DLGAP2: variants seen among roughly 807,000 people sequenced by gnomAD.
The protein encoded by DLGAP2 is disks large-associated protein 2.
In DLGAP2, 26 loss-of-function variants were observed where a neutral mutation model predicts 100.3. That is an observed-to-expected ratio of 0.26 (90% CI 0.19 to 0.36). The LOEUF (loss-of-function observed/expected upper bound fraction) is 0.36. Among genes scored for constraint, DLGAP2 ranks in the 10% least tolerant of loss-of-function variants. DLGAP2 has a pLI of 1.00. For synonymous variants in DLGAP2, 886 were observed against 630.1 expected, an observed-to-expected ratio of 1.41 and a Z score of -6.08; for missense variants, 1,858 against 1,453.2, an observed-to-expected ratio of 1.28 and a Z score of -4.53.
At chr8:1,033,659 C>T (rs185341883) in intron 2 of DLGAP2, among the ~76,000 whole-genome samples, 53 of 152,242 alleles carry the variant, frequency 3.5e-4, no homozygotes, top group African/African-American at 1.2e-3. Context: ...AGAGGGAGAC[C>T]GTGTTACCCC....
At chr8:1,592,588 C>T (rs1796324910) in intron 6 of DLGAP2, among the ~76,000 whole-genome samples, 1 of 152,112 alleles carries the variant, frequency 6.6e-6, no homozygotes, top group South Asian at 2.1e-4. Context: ...CACGGATTTC[C>T]TTTTCAGGGC....
At chr8:1,507,670 G>A (rs1273086116) in intron 4 of DLGAP2, among the ~76,000 whole-genome samples, 2 of 151,886 alleles carry the variant, frequency 1.3e-5, no homozygotes, top group African/African-American at 2.4e-5. Context: ...CCTCTCAGAA[G>A]CAGTGATGTG....
chr8:1,431,130 TAC>T (rs1358826829), intron 3 of DLGAP2, among the ~76,000 whole-genome samples: 1 of 152,244 alleles, frequency 6.6e-6, no homozygotes, highest in African/African-American at 2.4e-5. Context: ...CAACCCAGTG[TAC>T]AGAGAACAGA....
intron 4 of DLGAP2, among the ~76,000 whole-genome samples, chr8:1,546,223 C>T (rs1258206246): frequency 1.3e-5 from 2 of 152,230 alleles, no homozygotes; most frequent in Non-Finnish European, 2.9e-5. Flanking sequence ...AAATATAACA[C>T]AGTGAGGCTC....
At chr8:1,668,829 C>T (rs906698270) in intron 9 of DLGAP2, among the ~76,000 whole-genome samples, 151 bp downstream of exon 9, 4 of 152,178 alleles carry the variant, frequency 2.6e-5, no homozygotes, top group Non-Finnish European at 4.4e-5. Flanking sequence ...GCTGTGCGTT[C>T]GCCTTGCAGA....
chr8:1,010,621 T>A (rs1193884481), intron 2 of DLGAP2, among the ~76,000 whole-genome samples: 1 of 152,210 alleles, frequency 6.6e-6, no homozygotes, highest in African/African-American at 2.4e-5. Flanking sequence ...CTTAATGATA[T>A]AAACAAAACC....
chr8:1,039,678 G>C (rs1276915891), intron 2 of DLGAP2, among the ~76,000 whole-genome samples: 3 of 110,496 alleles, frequency 2.7e-5, no homozygotes, highest in Non-Finnish European at 5.4e-5. Context: ...AGCTCGGTGT[G>C]CGTGGTCAGC....
intron 3 of DLGAP2, among the ~76,000 whole-genome samples, chr8:1,288,443 G>T (rs1799988228): frequency 6.7e-6 from 1 of 149,466 alleles, no homozygotes; most frequent in East Asian, 2.0e-4. Flanking sequence ...GTGTGTGTGT[G>T]TGTGTGTGGT....
intron 1 of DLGAP2, among the ~76,000 whole-genome samples, chr8:834,848 AAC>A (rs1439056470): frequency 6.6e-6 from 1 of 152,224 alleles, no homozygotes; most frequent in Non-Finnish European, 1.5e-5. Flanking sequence ...TGTAACTGTG[AAC>A]CTACAATAAA....
chr8:798,217 G>A (rs1796075266), intron 1 of DLGAP2, among the ~76,000 whole-genome samples: 1 of 152,198 alleles, frequency 6.6e-6, no homozygotes, highest in Non-Finnish European at 1.5e-5. Flanking sequence ...CACTGGCCAG[G>A]TGATGGGTGC....
chr8:1,322,461 C>T (rs1430858062), intron 3 of DLGAP2, among the ~76,000 whole-genome samples: 3 of 151,852 alleles, frequency 2.0e-5, no homozygotes, highest in South Asian at 2.1e-4. Flanking sequence ...CGTGGAAATG[C>T]GTGCACCCGC....
intron 3 of DLGAP2, among the ~76,000 whole-genome samples, chr8:1,385,040 AC>A (rs71190733): frequency 1.7e-4 from 13 of 76,814 alleles, no homozygotes; most frequent in South Asian, 7.3e-4. Flanking sequence ...GTGCACAGTT[AC>A]CCCGGCCTGT....
intron 3 of DLGAP2, among the ~76,000 whole-genome samples, chr8:1,449,193 G>A (rs988711270): frequency 5.3e-5 from 8 of 152,234 alleles, no homozygotes. Context: ...ACACAGCACA[G>A]TTCTCAGCCC....
chr8:1,590,841 C>T (rs1201518955), intron 6 of DLGAP2, among the ~76,000 whole-genome samples: 1 of 152,130 alleles, frequency 6.6e-6, no homozygotes, highest in Non-Finnish European at 1.5e-5. Context: ...CATCCCTGAG[C>T]CCCACCCCTG....
chr8:1,683,856 A>ATATATATG (rs1467438870), intron 12 of DLGAP2, among the ~76,000 whole-genome samples: 102 of 62,222 alleles, frequency 1.6e-3, no homozygotes, highest in African/African-American at 2.6e-3. Context: ...ATATATATAT[A>ATATATATG]TGTGTGTGTG....
intron 2 of DLGAP2, among the ~76,000 whole-genome samples, chr8:1,125,592 C>G (rs1240066014): frequency 6.6e-6 from 1 of 152,152 alleles, no homozygotes; most frequent in Non-Finnish European, 1.5e-5. Context: ...TGATTCAAAT[C>G]TAACATTATG....
chr8:1,200,067 C>G lies in DLGAP2; in HGVS notation c.74-58784C>G, dbSNP rs111579164. Among the ~76,000 whole-genome samples, 200 of 152,210 alleles carry G rather than the reference C, an allele frequency of 1.3e-3. 1 individual carries two copies. The highest frequency in any genetic ancestry group is 4.4e-3 in the African/African-American group (181 of 41,538). On this transcript the variant is annotated intron_variant, in intron 2 of 14. Coordinates refer to ENST00000637795, the MANE Select transcript of DLGAP2 (RefSeq NM_001346810.2). ...CGAGAACAGGAGGATGAGGACGACT[C>G]CGTACAGGGAAGCTGGGATGGATGT...
At chr8:1,337,951 G>C (rs1202325856) in intron 3 of DLGAP2, among the ~76,000 whole-genome samples, 2 of 152,226 alleles carry the variant, frequency 1.3e-5, no homozygotes, top group African/African-American at 2.4e-5. Context: ...AACATCATGA[G>C]TCGTTACAAA....
chr8:1,581,525 C>T (rs1172093047), intron 6 of DLGAP2, among the ~76,000 whole-genome samples: 3 of 147,404 alleles, frequency 2.0e-5, no homozygotes, highest in Admixed American at 6.8e-5. Context: ...GACAAAACTC[C>T]ACACACATCT....
Sources: allele counts gnomAD v4.1 joint callset (sites outside exome capture counted in the v4.1 genomes callset), GRCh38; gene constraint gnomAD v4.1.1; transcripts MANE v1.5; gene names NCBI Gene and HGNC (gene_info 2026-07-23, HGNC 2026-07-21).